GRIA3: variants seen among roughly 807,000 people sequenced by gnomAD.
GRIA3 encodes the protein glutamate ionotropic receptor AMPA type subunit 3, also known as glutamate receptor 3.
A neutral mutation model predicts 63.0 loss-of-function variants in GRIA3; 3 were observed. That is an observed-to-expected ratio of 0.05 (90% CI 0.02 to 0.12). The LOEUF is 0.12. GRIA3 is among the 10% of genes least tolerant of loss of function. The pLI is 1.00. For missense variants in GRIA3, 347 were observed against 700.9 expected (o/e 0.50, Z 5.70); for synonymous variants, 274 against 257.9 (o/e 1.06, Z -0.60).
chrX:123,329,201 A>G (rs2044925009), intron 4 of GRIA3, among the ~76,000 whole-genome samples: 1 of 112,008 alleles, frequency 8.9e-6, no homozygotes, highest in South Asian at 3.7e-4. Flanking sequence ...TCATACCACT[A>G]TCTGAGGTAG....
At position 123,285,577 on chromosome X, in the gene GRIA3, C is replaced by CAA. The variant is rs59101106; in HGVS notation, c.508+32059_508+32060dup. Among the ~76,000 whole-genome samples, 50 of 10,158 alleles carry CAA rather than the reference C, an allele frequency of 4.9e-3. 1 individual carries two copies. The highest frequency in any genetic ancestry group is 8.5e-3 in the African/African-American group (20 of 2,341). 8.8% of individuals were successfully genotyped at this position (10,158 alleles called of 115,157 possible). A position where few individuals can be genotyped will look rare whatever the true frequency, so the allele number is the denominator to read the frequency against. ...AAATACTTTCCAAGCAAATGAAAAG[C>CAA]AAAAAAAAAAAAAAAAAAAAAAAAA... On this transcript the variant is annotated intron_variant, in intron 3 of 15. Transcript: ENST00000620443.
At chrX:123,287,016 T>C (rs1360484358) in intron 3 of GRIA3, among the ~76,000 whole-genome samples, 1 of 111,754 alleles carries the variant, frequency 8.9e-6, no homozygotes, top group East Asian at 2.8e-4. Context: ...AAATCCTCAA[T>C]AAAATACTGG....
At chrX:123,324,029 G>A (rs753849189) in intron 3 of GRIA3, among the ~76,000 whole-genome samples, 1 of 111,860 alleles carries the variant, frequency 8.9e-6, no homozygotes, top group South Asian at 3.8e-4. Context: ...CAACAGTGAG[G>A]GAACTTGTCA....
chrX:123,236,620 A>G (rs2044303361), intron 2 of GRIA3, among the ~76,000 whole-genome samples: 1 of 110,540 alleles, frequency 9.0e-6, no homozygotes, highest in Admixed American at 9.7e-5. Flanking sequence ...AGATCTTCGT[A>G]TTTTTACATG....
intron 2 of GRIA3, chrX:123,204,730 A>C: frequency 1.4e-6 from 1 of 735,555 alleles, no homozygotes; most frequent in South Asian, 3.7e-5. Context: ...TGAGGGGAAA[A>C]TGGAAATAGA....
intron 2 of GRIA3, among the ~76,000 whole-genome samples, chrX:123,219,040 G>T (rs755405086): frequency 1.8e-5 from 2 of 111,980 alleles, no homozygotes; most frequent in Admixed American, 9.4e-5. Flanking sequence ...ACGGGGTGCT[G>T]CTTGACACAC....
intron 3 of GRIA3, among the ~76,000 whole-genome samples, chrX:123,255,212 A>G (rs181232827): frequency 2.1e-4 from 24 of 111,771 alleles, no homozygotes; most frequent in Admixed American, 4.7e-4. Flanking sequence ...TAGAGAAGCT[A>G]GCCTTGAAAG....
intron 5 of GRIA3, among the ~76,000 whole-genome samples, chrX:123,376,031 A>T (rs181168403): frequency 1.7e-4 from 19 of 112,251 alleles, no homozygotes; most frequent in Non-Finnish European, 3.2e-4. Flanking sequence ...CAGGATCAAG[A>T]GCCAGCCAAC....
At chrX:123,192,943 C>G (rs933763128) in intron 2 of GRIA3, among the ~76,000 whole-genome samples, 20 of 110,560 alleles carry the variant, frequency 1.8e-4, no homozygotes, top group Non-Finnish European at 3.4e-4. Flanking sequence ...GTCCTGGAAC[C>G]ACACTTTGAG....
chrX:123,462,718 ACAG>A (rs1350173169), intron 12 of GRIA3, among the ~76,000 whole-genome samples: 1 of 111,792 alleles, frequency 8.9e-6, no homozygotes, highest in African/African-American at 3.3e-5. Context: ...AAGATGCAAC[ACAG>A]CCGGCCAAAG....
At chrX:123,311,948 A>T (rs1367763472) in intron 3 of GRIA3, among the ~76,000 whole-genome samples, 1 of 112,239 alleles carries the variant, frequency 8.9e-6, no homozygotes, top group Non-Finnish European at 1.9e-5. Flanking sequence ...CAGACTAGTT[A>T]AGTGTTTTTC....
intron 2 of GRIA3, chrX:123,204,737 T>G: frequency 1.4e-6 from 1 of 704,206 alleles, no homozygotes; most frequent in Non-Finnish European, 1.9e-6. Context: ...AAAATGGAAA[T>G]AGATATGATA....
intron 12 of GRIA3, among the ~76,000 whole-genome samples, chrX:123,447,793 T>C (rs1051176107): frequency 8.9e-6 from 1 of 112,311 alleles, no homozygotes; most frequent in African/African-American, 3.2e-5. Flanking sequence ...AAAGCGTTGG[T>C]TCCATGCCCC....
chrX:123,374,402 G>T (rs2045270468), intron 5 of GRIA3, among the ~76,000 whole-genome samples: 1 of 111,731 alleles, frequency 9.0e-6, no homozygotes, highest in African/African-American at 3.3e-5. Flanking sequence ...GAAAGTTATT[G>T]GTAGCTTGAT....
chrX:123,282,986 A>G (rs1007672513), intron 3 of GRIA3, among the ~76,000 whole-genome samples: 1 of 107,344 alleles, frequency 9.3e-6, no homozygotes, highest in African/African-American at 3.4e-5. Flanking sequence ...TCCGGTCTGC[A>G]GCTCCCAGTG....
chrX:123,195,390 C>T (rs1927549106), intron 2 of GRIA3, among the ~76,000 whole-genome samples: 1 of 112,064 alleles, frequency 8.9e-6, no homozygotes, highest in Non-Finnish European at 1.9e-5. Context: ...AGCTCAAGGT[C>T]CCACAACTAG....
chrX:123,279,548 A>G (rs2044573598), intron 3 of GRIA3, among the ~76,000 whole-genome samples: 1 of 111,887 alleles, frequency 8.9e-6, no homozygotes, highest in African/African-American at 3.3e-5. Flanking sequence ...ACGTTGGTTC[A>G]AAGCTTTCTC....
intron 3 of GRIA3, among the ~76,000 whole-genome samples, chrX:123,302,891 G>C (rs2044732483): frequency 9.0e-6 from 1 of 110,828 alleles, no homozygotes; most frequent in East Asian, 2.9e-4. Context: ...CTCTGTCTAA[G>C]TCTAATAGGA....
chrX:123,433,396 A>G (rs763799274), intron 12 of GRIA3, among the ~76,000 whole-genome samples: 84 of 112,250 alleles, frequency 7.5e-4, no homozygotes, highest in Non-Finnish European at 1.2e-3. Flanking sequence ...ATTTCACTAT[A>G]CCAGAGCCTG....
Sources: allele counts gnomAD v4.1 joint callset (sites outside exome capture counted in the v4.1 genomes callset), GRCh38; gene constraint gnomAD v4.1.1; transcripts MANE v1.5; gene names NCBI Gene and HGNC (gene_info 2026-07-23, HGNC 2026-07-21).